SLC1A1: variants seen among roughly 807,000 people sequenced by gnomAD.
SLC1A1 encodes excitatory amino acid transporter 3.
SLC1A1 carries 43 observed loss-of-function variants against 53.3 expected under a neutral mutation model. The ratio of observed to expected loss-of-function variants is 0.81; its 90% CI spans 0.63 to 1.04. SLC1A1 has a LOEUF of 1.04. SLC1A1 is among the 50% of genes least tolerant of loss of function. The pLI, the probability that SLC1A1 is intolerant of heterozygous loss-of-function variation, is 0.00. For missense variants in SLC1A1, 748 were observed against 664.9 expected (o/e 1.12, Z -1.37); for synonymous variants, 307 against 243.2 (o/e 1.26, Z -2.44).
chr9:4,523,864 C>T lies in SLC1A1; in HGVS notation c.92-20703C>T, dbSNP rs148776252. On this transcript the variant is annotated intron_variant, in intron 1 of 11. Transcript: ENST00000262352. ...GGTGAGGAAACAGAGGCACAGGCTA[C>T]AGGGTATTTTGTCCAAGATAACACA... Among the ~76,000 whole-genome samples the T allele has an allele frequency of 9.8e-5, 15 of 152,312 alleles. No homozygotes were observed. In the East Asian group the frequency reaches 2.9e-3, roughly 29 times the overall value.
rs759350537 is a variant in SLC1A1, at chr9:4,490,695, A to C, written c.16A>C (p.Arg6=). 3 of 1,612,706 alleles carry C rather than the reference A, an allele frequency of 1.9e-6. No homozygotes were observed. The highest frequency in any genetic ancestry group is 1.1e-5 in the South Asian group (1 of 91,046). Residue 6 remains arginine (R), a synonymous_variant, in exon 1 of 12, where the codon AGG becomes CGG. Coordinates refer to ENST00000262352, the MANE Select transcript of SLC1A1 (RefSeq NM_004170.6). MGKPA[R]KGCEWKRFLK... The stretch of plus-strand genomic sequence containing the variant: ...GGCGACAGCCATGGGGAAACCGGCG[A>C]GGAAAGGATGCGAGTGGAAGCGCTT...
intron 3 of SLC1A1, among the ~76,000 whole-genome samples, chr9:4,562,982 G>GGGAGA: frequency 8.9e-6 from 1 of 112,742 alleles, no homozygotes; most frequent in Non-Finnish European, 1.8e-5. Flanking sequence ...GTGGGGGGAG[G>GGGAGA]GGAGAGGGAT....
chr9:4,577,638 G>A (rs1338104472), intron 10 of SLC1A1, among the ~76,000 whole-genome samples: 5 of 152,110 alleles, frequency 3.3e-5, no homozygotes, highest in Admixed American at 1.3e-4. Flanking sequence ...ACCACACCTG[G>A]CTAATTTTTG....
chr9:4,572,292 T>C lies in SLC1A1; in HGVS notation c.671T>C (p.Leu224Pro). 7 of 1,614,164 alleles carry C rather than the reference T, an allele frequency of 4.3e-6. No individual in the cohort carries two copies. The highest frequency in any genetic ancestry group is 5.9e-6 in the Non-Finnish European group (7 of 1,179,984). ...GLIVFCLVFGLVIGKMGEKGQ... is the reference protein window; with the variant it reads ...GLIVFCLVFGPVIGKMGEKGQ... ...ATTGTCTTTTGCCTTGTCTTTGGAC[T>C]TGTCATTGGAAAAATGGGAGAAAAG... The change falls in exon 7 of 12, where the codon CTT (leucine) becomes CCT (proline). Residue 224 changes from leucine (L) to proline (P), a missense_variant. Transcript: ENST00000262352.
intron 10 of SLC1A1, among the ~76,000 whole-genome samples, chr9:4,580,710 A>G (rs1821012102): frequency 6.7e-6 from 1 of 148,628 alleles, no homozygotes; most frequent in African/African-American, 2.5e-5. Flanking sequence ...GAGCTGAGAG[A>G]AAAAAAAAGT....
intron 3 of SLC1A1, among the ~76,000 whole-genome samples, chr9:4,562,497 A>G (rs1819051359): frequency 6.6e-6 from 1 of 152,250 alleles, no homozygotes; most frequent in African/African-American, 2.4e-5. Context: ...AACAGCTAAT[A>G]GATCCTTGTT....
chr9:4,579,094 G>C (rs1179296717), intron 10 of SLC1A1, among the ~76,000 whole-genome samples: 1 of 152,206 alleles, frequency 6.6e-6, no homozygotes, highest in African/African-American at 2.4e-5. Flanking sequence ...GTTGGCTGAA[G>C]ACAAGTGCAA....
At position 4,572,953 on chromosome 9, in the gene SLC1A1, T is replaced by C. The variant is rs1424301057; in HGVS notation, c.767+565T>C. ...TTTCCCTCAAAGCCTTGGGAGATCA[T>C]CTTGCACTCAACCAGCCTTCGTGTA... On this transcript the variant is annotated intron_variant, in intron 7 of 11. Transcript: ENST00000262352. Among the ~76,000 whole-genome samples, 3 of 152,354 alleles carry C rather than the reference T, an allele frequency of 2.0e-5. No homozygotes were observed. In the East Asian group the frequency reaches 5.8e-4, roughly 29 times the overall value.
Position 4,491,998 on chromosome 9 carries a change from T to A in SLC1A1, c.91+1228T>A, listed in dbSNP as rs79105985. Reference sequence around the variant, plus strand: ...GGATTCTTGGGGTCAGATTGGATTCTCCAGAACCTTGGGGAAAGGAAAGTC... The same window carrying A: ...GGATTCTTGGGGTCAGATTGGATTCACCAGAACCTTGGGGAAAGGAAAGTC... On this transcript the variant is annotated intron_variant, in intron 1 of 11. Coordinates refer to ENST00000262352, the MANE Select transcript of SLC1A1 (RefSeq NM_004170.6). 8.7e-3 allele frequency among the ~76,000 whole-genome samples: 1,325 copies of A among 152,328 alleles called. 21 individuals are homozygous for A. The highest frequency in any genetic ancestry group is 0.031 in the African/African-American group (1,279 of 41,570).
intron 5 of SLC1A1, 79 bp downstream of exon 5, chr9:4,566,168 C>T: frequency 7.8e-7 from 1 of 1,273,930 alleles, no homozygotes; most frequent in Non-Finnish European, 1.1e-6. Context: ...TGCTGTGACT[C>T]AAGAAATGGA....
Position 4,577,674 on chromosome 9 carries a change from C to T in SLC1A1, c.1193+911C>T, listed in dbSNP as rs371404719. ...AATTTTTAGTAGAGATGGGTTTCACCATGTTGGCCAGGCTGGTCTTGAACT... is the reference window on the plus strand; with the variant it reads ...AATTTTTAGTAGAGATGGGTTTCACTATGTTGGCCAGGCTGGTCTTGAACT... On this transcript the variant is annotated intron_variant, in intron 10 of 11. Transcript: ENST00000262352. Among the ~76,000 whole-genome samples, 14 of 152,234 alleles carry T rather than the reference C, an allele frequency of 9.2e-5. No homozygotes were observed. In the East Asian group the frequency reaches 1.2e-3, roughly 13 times the overall value.
chr9:4,529,991 T>G (rs1816407212), intron 1 of SLC1A1, among the ~76,000 whole-genome samples: 1 of 152,158 alleles, frequency 6.6e-6, no homozygotes, highest in South Asian at 2.1e-4. Flanking sequence ...GTACATGTAT[T>G]TTCTTATTTA....
chr9:4,582,890 G>A, intron 10 of SLC1A1, 148 bp from the exon 11 acceptor site: 1 of 993,552 alleles, frequency 1.0e-6, no homozygotes, highest in Middle Eastern at 2.1e-4. Flanking sequence ...GGCAGAGCTG[G>A]GGCTCAGCAA....
chr9:4,527,915 A>G (rs1252184791), intron 1 of SLC1A1, among the ~76,000 whole-genome samples: 1 of 152,150 alleles, frequency 6.6e-6, no homozygotes, highest in Non-Finnish European at 1.5e-5. Flanking sequence ...GACCAGGAGC[A>G]CATCAGAAGA....
chr9:4,512,271 G>C (rs952209757), intron 1 of SLC1A1, among the ~76,000 whole-genome samples: 5 of 152,148 alleles, frequency 3.3e-5, no homozygotes, highest in Admixed American at 6.5e-5. Context: ...CCAGCACTTT[G>C]GGAGGCTGAG....
intron 1 of SLC1A1, among the ~76,000 whole-genome samples, chr9:4,505,105 G>A (rs758487938): frequency 1.1e-4 from 15 of 137,088 alleles, no homozygotes; most frequent in African/African-American, 3.2e-4. Flanking sequence ...GGAGTGCAGC[G>A]GCATGATCTT....
At chr9:4,534,921 A>G (rs1475887391) in intron 1 of SLC1A1, among the ~76,000 whole-genome samples, 3 of 152,166 alleles carry the variant, frequency 2.0e-5, no homozygotes, top group Non-Finnish European at 4.4e-5. Context: ...ATCAATAAAC[A>G]TAATCCAGCA....
intron 1 of SLC1A1, among the ~76,000 whole-genome samples, chr9:4,493,672 G>A (rs1820316454): frequency 2.0e-5 from 3 of 152,206 alleles, no homozygotes; most frequent in South Asian, 2.1e-4. Context: ...GAAGGCCAAG[G>A]TAGGAGGAAT....
intron 1 of SLC1A1, among the ~76,000 whole-genome samples, chr9:4,495,679 G>C (rs1445987282): frequency 6.6e-6 from 1 of 151,660 alleles, no homozygotes; most frequent in African/African-American, 2.4e-5. Flanking sequence ...AGTAGGAGGA[G>C]ATGAAGTGGA....
Sources: allele counts gnomAD v4.1 joint callset (sites outside exome capture counted in the v4.1 genomes callset), GRCh38; gene constraint gnomAD v4.1.1; transcripts MANE v1.5; gene names NCBI Gene and HGNC (gene_info 2026-07-23, HGNC 2026-07-21).